TAS2R1: variants seen among roughly 807,000 people sequenced by gnomAD.
TAS2R1 encodes the protein taste 2 receptor member 1, also known as taste receptor type 2 member 1.
For synonymous variants in TAS2R1, 141 were observed against 134.2 expected (o/e 1.05, Z -0.35); for missense variants, 370 against 353.4 (o/e 1.05, Z -0.38).
chr5:9,900,092 A>G, the TAS2R1 span, among the ~76,000 whole-genome samples: 16 of 152,362 alleles, frequency 1.1e-4, no homozygotes, highest in African/African-American at 3.4e-4. Flanking sequence ...AGAAGTAGGC[A>G]GAATTCAGAG....
the TAS2R1 span, among the ~76,000 whole-genome samples, chr5:9,854,767 A>G: frequency 1.3e-5 from 2 of 152,248 alleles, no homozygotes; most frequent in Non-Finnish European, 2.9e-5. Flanking sequence ...ACAACCATCA[A>G]AATTAAAGAT....
chr5:9,668,884 C>A (rs1740695495), intron 1 of TAS2R1, among the ~76,000 whole-genome samples: 1 of 151,702 alleles, frequency 6.6e-6, no homozygotes, highest in African/African-American at 2.4e-5. Context: ...CAGCTAACAA[C>A]ATGATGACAG....
chr5:9,826,421 G>T, the TAS2R1 span, among the ~76,000 whole-genome samples: 1 of 152,072 alleles, frequency 6.6e-6, no homozygotes, highest in Admixed American at 6.5e-5. Context: ...TGATCCCAGG[G>T]TTAAAACAAC....
the TAS2R1 span, among the ~76,000 whole-genome samples, chr5:9,898,408 G>C: frequency 6.6e-6 from 1 of 152,202 alleles, no homozygotes; most frequent in Non-Finnish European, 1.5e-5. Context: ...GAGGGACGAG[G>C]TAGAAGCCGT....
intron 1 of TAS2R1, among the ~76,000 whole-genome samples, chr5:9,701,960 C>T (rs931144397): frequency 7.9e-5 from 12 of 152,084 alleles, no homozygotes; most frequent in South Asian, 2.1e-4. Flanking sequence ...GGCAAAACTG[C>T]CCAAAAGGTC....
chr5:9,763,333 T>C, the TAS2R1 span, among the ~76,000 whole-genome samples: 1 of 152,120 alleles, frequency 6.6e-6, no homozygotes, highest in Admixed American at 6.5e-5. Flanking sequence ...TAAAACTCCA[T>C]CTCTCCCAAA....
the TAS2R1 span, among the ~76,000 whole-genome samples, chr5:9,839,209 G>A: frequency 2.0e-5 from 3 of 152,208 alleles, no homozygotes; most frequent in Non-Finnish European, 2.9e-5. Flanking sequence ...AGTGGGCAGG[G>A]ATGAATGCAG....
chr5:9,684,592 T>C (rs1741089993), intron 1 of TAS2R1, among the ~76,000 whole-genome samples: 1 of 152,196 alleles, frequency 6.6e-6, no homozygotes, highest in Non-Finnish European at 1.5e-5. Context: ...AGTGTGATCA[T>C]AGCTCACTAT....
At chr5:9,723,615 A>C in the TAS2R1 span, among the ~76,000 whole-genome samples, 1 of 152,294 alleles carries the variant, frequency 6.6e-6, no homozygotes, top group East Asian at 1.9e-4. Flanking sequence ...CTCACTGCCA[A>C]GGAGAGGCAG....
chr5:9,703,580 C>T (rs1290362023), intron 1 of TAS2R1, among the ~76,000 whole-genome samples: 1 of 152,080 alleles, frequency 6.6e-6, no homozygotes, highest in African/African-American at 2.4e-5. Context: ...GCAGGAGTGA[C>T]AGGAATGAGG....
At chr5:9,686,848 A>T (rs1741134434) in intron 1 of TAS2R1, among the ~76,000 whole-genome samples, 1 of 152,238 alleles carries the variant, frequency 6.6e-6, no homozygotes, top group Non-Finnish European at 1.5e-5. Context: ...GATAATTGCA[A>T]TTTTATTTGA....
the TAS2R1 span, among the ~76,000 whole-genome samples, chr5:9,835,714 C>T: frequency 1.3e-5 from 2 of 152,098 alleles, no homozygotes; most frequent in African/African-American, 2.4e-5. Flanking sequence ...GGAGAGGAAG[C>T]CTGGGAGGGC....
chr5:9,892,660 T>C, the TAS2R1 span, among the ~76,000 whole-genome samples: 1 of 152,240 alleles, frequency 6.6e-6, no homozygotes, highest in East Asian at 1.9e-4. Flanking sequence ...CTTGATTCCC[T>C]GCACTTGACC....
chr5:9,664,488 G>A (rs1408552411), intron 1 of TAS2R1, among the ~76,000 whole-genome samples: 1 of 152,124 alleles, frequency 6.6e-6, no homozygotes, highest in Non-Finnish European at 1.5e-5. Context: ...ATAAACCACG[G>A]TATATATTCC....
chr5:9,648,192 A>T (rs1489433289), intron 2 of TAS2R1, among the ~76,000 whole-genome samples: 1 of 152,130 alleles, frequency 6.6e-6, no homozygotes, highest in Non-Finnish European at 1.5e-5. Context: ...GAAAAATGTG[A>T]TCTTAATTAT....
At chr5:9,783,325 T>A in the TAS2R1 span, among the ~76,000 whole-genome samples, 1 of 152,254 alleles carries the variant, frequency 6.6e-6, no homozygotes, top group African/African-American at 2.4e-5. Context: ...ATCAACAGGC[T>A]GAGCTGGCCC....
the TAS2R1 span, among the ~76,000 whole-genome samples, chr5:9,778,172 G>A: frequency 1.1e-4 from 16 of 151,516 alleles, no homozygotes; most frequent in Admixed American, 5.9e-4. Context: ...GAGCCACCAC[G>A]CCCGGCGGGA....
At chr5:9,792,729 T>C in the TAS2R1 span, among the ~76,000 whole-genome samples, 1 of 152,118 alleles carries the variant, frequency 6.6e-6, no homozygotes, top group African/African-American at 2.4e-5. Flanking sequence ...AAGTGGTATG[T>C]ATGATGAAAA....
the TAS2R1 span, among the ~76,000 whole-genome samples, chr5:9,817,313 G>A: frequency 7.9e-5 from 12 of 152,232 alleles, no homozygotes; most frequent in African/African-American, 2.4e-4. Context: ...ACATGCCTAC[G>A]CTTTAAATTT....
Sources: allele counts gnomAD v4.1 joint callset (sites outside exome capture counted in the v4.1 genomes callset), GRCh38; gene constraint gnomAD v4.1.1; transcripts MANE v1.5; gene names NCBI Gene and HGNC (gene_info 2026-07-23, HGNC 2026-07-21).